The following AGBL1 variants were observed in gnomAD, a reference collection of about 807,000 sequenced individuals.
AGBL1 encodes cytosolic carboxypeptidase 4.
Under a neutral mutation model 118.9 loss-of-function variants are expected in AGBL1, and 130 were observed. The observed-to-expected ratio is 1.09, with a 90% CI of 0.95 to 1.26. AGBL1 has a LOEUF of 1.26. AGBL1 is among the 50% of genes most tolerant of loss of function. The pLI is 0.00. For synonymous variants in AGBL1, 555 were observed against 478.9 expected (o/e 1.16, Z -2.08); for missense variants, 1,584 against 1,298.1 (o/e 1.22, Z -3.38).
At chr15:86,834,854 AG>A (rs1017930516) in intron 22 of AGBL1, among the ~76,000 whole-genome samples, 2 of 152,200 alleles carry the variant, frequency 1.3e-5, no homozygotes, top group African/African-American at 4.8e-5. Context: ...GGTGTGGGGA[AG>A]TTAATTTCCT....
At chr15:86,669,101 TAAAA>T (rs199730409) in intron 21 of AGBL1, among the ~76,000 whole-genome samples, 2 of 150,560 alleles carry the variant, frequency 1.3e-5, no homozygotes, top group Admixed American at 6.6e-5. Context: ...ACTTTAATGT[TAAAA>T]AAAAAAGTTT....
intron 23 of AGBL1, among the ~76,000 whole-genome samples, chr15:86,953,978 A>C (rs1457594042): frequency 6.6e-6 from 1 of 152,184 alleles, no homozygotes; most frequent in Non-Finnish European, 1.5e-5. Flanking sequence ...CAAACATTTG[A>C]AAAAATGCTC....
intron 22 of AGBL1, among the ~76,000 whole-genome samples, chr15:86,905,605 A>T (rs558143592): frequency 6.6e-6 from 1 of 152,334 alleles, no homozygotes; most frequent in South Asian, 2.1e-4. Context: ...GCTAGACAAT[A>T]TCCATGTGTT....
intron 21 of AGBL1, among the ~76,000 whole-genome samples, chr15:86,636,392 T>C (rs2085084089): frequency 6.6e-6 from 1 of 151,860 alleles, no homozygotes; most frequent in East Asian, 1.9e-4. Flanking sequence ...ACAGGAGTAA[T>C]GATTTCAGGA....
intron 22 of AGBL1, among the ~76,000 whole-genome samples, chr15:86,731,029 C>T (rs553677933): frequency 1.3e-5 from 2 of 152,180 alleles, no homozygotes; most frequent in East Asian, 1.9e-4. Flanking sequence ...CATGGTTTCA[C>T]TGTGTTGGCC....
At chr15:86,860,655 A>G (rs916913624) in intron 22 of AGBL1, among the ~76,000 whole-genome samples, 4 of 152,060 alleles carry the variant, frequency 2.6e-5, no homozygotes, top group Non-Finnish European at 4.4e-5. Context: ...AATCAAGCCC[A>G]AGGAGCTTAT....
At chr15:86,602,121 T>G (rs1405600573) in intron 21 of AGBL1, among the ~76,000 whole-genome samples, 1 of 152,184 alleles carries the variant, frequency 6.6e-6, no homozygotes, top group Non-Finnish European at 1.5e-5. Flanking sequence ...CTCTCCATTT[T>G]TCTTTCTTTA....
chr15:86,873,774 T>G (rs2079763690), intron 22 of AGBL1, among the ~76,000 whole-genome samples: 1 of 152,202 alleles, frequency 6.6e-6, no homozygotes, highest in Admixed American at 6.5e-5. Context: ...TTTATGGTAT[T>G]TTGCTATTGC....
chr15:86,426,977 G>A lies in AGBL1; in HGVS notation c.2555+29431G>A, dbSNP rs562798471. Reference sequence around the variant, plus strand: ...GTCAGGGTTTTGCCCTGTTGACCAGGCTGGTCTTGAACTCCTGACCTCAGG... The same window carrying A: ...GTCAGGGTTTTGCCCTGTTGACCAGACTGGTCTTGAACTCCTGACCTCAGG... On this transcript the variant is annotated intron_variant, in intron 18 of 22. Coordinates refer to ENST00000614907, the MANE Select transcript of AGBL1 (RefSeq NM_001386094.1). Among the ~76,000 whole-genome samples the A allele has an allele frequency of 6.6e-5, 10 of 152,214 alleles. 1 individual carries two copies. In the South Asian group the frequency reaches 2.1e-3, roughly 32 times the overall value.
intron 22 of AGBL1, among the ~76,000 whole-genome samples, chr15:86,730,680 G>T (rs2077515016): frequency 6.6e-6 from 1 of 152,114 alleles, no homozygotes; most frequent in South Asian, 2.1e-4. Flanking sequence ...TGGCAATAAT[G>T]ATAGTTATTA....
chr15:86,879,766 G>A (rs78871526), intron 22 of AGBL1, among the ~76,000 whole-genome samples: 299 of 152,214 alleles, frequency 2.0e-3, no homozygotes, highest in Non-Finnish European at 3.1e-3. Flanking sequence ...ATTTAGCTCC[G>A]CTGCATGTTT....
At chr15:86,733,360 A>G (rs1217885632) in intron 22 of AGBL1, among the ~76,000 whole-genome samples, 1 of 152,138 alleles carries the variant, frequency 6.6e-6, no homozygotes. Context: ...ATGATGGCCA[A>G]CCACTGTGAA....
intron 16 of AGBL1, among the ~76,000 whole-genome samples, chr15:86,292,176 G>A (rs373825390): frequency 7.9e-5 from 12 of 152,144 alleles, no homozygotes; most frequent in Non-Finnish European, 1.3e-4. Flanking sequence ...TTAAGATGGG[G>A]AGATTAACCT....
intron 6 of AGBL1, among the ~76,000 whole-genome samples, chr15:86,237,021 A>G (rs2078562470): frequency 6.8e-6 from 1 of 146,076 alleles, no homozygotes; most frequent in Non-Finnish European, 1.5e-5. Flanking sequence ...CCCAGTTTCT[A>G]ATGGTGGACT....
intron 3 of AGBL1, among the ~76,000 whole-genome samples, chr15:86,149,884 A>G (rs2077084298): frequency 6.6e-6 from 1 of 152,178 alleles, no homozygotes; most frequent in South Asian, 2.1e-4. Flanking sequence ...GAAGTAAAGC[A>G]CTCCTCAGTC....
intron 23 of AGBL1, among the ~76,000 whole-genome samples, chr15:86,948,235 A>C (rs1395065044): frequency 6.6e-6 from 1 of 152,204 alleles, no homozygotes; most frequent in African/African-American, 2.4e-5. Flanking sequence ...TAAAGAGATG[A>C]ATGAAATACA....
chr15:86,684,729 A>G (rs962095116), intron 22 of AGBL1, among the ~76,000 whole-genome samples: 3 of 152,084 alleles, frequency 2.0e-5, no homozygotes, highest in Admixed American at 6.6e-5. Flanking sequence ...CGTTGTCTTA[A>G]CTTGTTTACT....
intron 21 of AGBL1, among the ~76,000 whole-genome samples, chr15:86,633,799 G>T (rs1466601442): frequency 1.2e-5 from 1 of 86,806 alleles, no homozygotes; most frequent in Non-Finnish European, 3.0e-5. Context: ...TATATATAAT[G>T]TATATATATA....
chr15:86,517,738 G>T (rs1174038289), intron 18 of AGBL1, among the ~76,000 whole-genome samples: 1 of 152,086 alleles, frequency 6.6e-6, no homozygotes, highest in Non-Finnish European at 1.5e-5. Context: ...TGACAACCCT[G>T]GTTGTTTTGA....
Sources: gnomAD v4.1 joint callset for allele counts (sites outside exome capture counted in the v4.1 genomes callset) on GRCh38, gnomAD v4.1.1 for gene constraint, MANE v1.5 for transcripts, NCBI Gene and HGNC (gene_info 2026-07-23, HGNC 2026-07-21) for gene names.